DAB1: variants seen among roughly 807,000 people sequenced by gnomAD.
DAB1 encodes disabled homolog 1.
Under a neutral mutation model 64.6 loss-of-function variants are expected in DAB1, and 15 were observed. That is an observed-to-expected ratio of 0.23 (90% CI 0.16 to 0.36). DAB1 has a LOEUF of 0.36. Among genes scored for constraint, DAB1 ranks in the 10% least tolerant of loss-of-function variants. The probability of loss-of-function intolerance (pLI) is 1.00; values close to 1 mark genes in which losing one functional copy is unlikely to be tolerated. For missense variants in DAB1, 596 were observed against 706.7 expected (o/e 0.84, Z 1.78); for synonymous variants, 235 against 251.9 (o/e 0.93, Z 0.64).
At chr1:57,940,465 G>A (rs1645087196) in intron 5 of DAB1, among the ~76,000 whole-genome samples, 1 of 152,176 alleles carries the variant, frequency 6.6e-6, no homozygotes, top group Non-Finnish European at 1.5e-5. Context: ...TAAGTGCTTT[G>A]TCCACAGTTA....
intron 6 of DAB1, among the ~76,000 whole-genome samples, chr1:57,816,344 C>T (rs1454949363): frequency 6.6e-6 from 1 of 152,206 alleles, no homozygotes; most frequent in Non-Finnish European, 1.5e-5. Context: ...TCAACACCTT[C>T]CTCTAGTTGT....
intron 6 of DAB1, among the ~76,000 whole-genome samples, chr1:57,813,560 C>T (rs1008728032): frequency 1.3e-5 from 2 of 152,132 alleles, no homozygotes; most frequent in African/African-American, 4.8e-5. Context: ...TTGCGCTAAC[C>T]CATGGGAACA....
intron 1 of DAB1, among the ~76,000 whole-genome samples, chr1:57,353,572 C>T (rs746051263): frequency 6.6e-6 from 1 of 152,180 alleles, no homozygotes; most frequent in African/African-American, 2.4e-5. Context: ...TGCAAGGTCA[C>T]ATGCTGGACC....
chr1:57,779,452 A>G (rs1312064887), intron 6 of DAB1, among the ~76,000 whole-genome samples: 1 of 152,174 alleles, frequency 6.6e-6, no homozygotes, highest in Non-Finnish European at 1.5e-5. Flanking sequence ...TGCCATGGAA[A>G]GAATCATTAC....
intron 7 of DAB1, among the ~76,000 whole-genome samples, chr1:57,501,673 G>A (rs1036247134): frequency 6.6e-6 from 1 of 152,158 alleles, no homozygotes; most frequent in South Asian, 2.1e-4. Flanking sequence ...ATAAGGCTTC[G>A]TAAAAGCAGT....
intron 2 of DAB1, among the ~76,000 whole-genome samples, chr1:57,210,342 CT>C (rs1262405824): frequency 1.3e-5 from 2 of 152,134 alleles, no homozygotes; most frequent in African/African-American, 4.8e-5. Context: ...TAAAAATTTT[CT>C]GTCATATAAT....
rs139505933 is a variant in DAB1 at position 57,273,164 on chromosome 1, T to C, written c.67+17800A>G. Among the ~76,000 whole-genome samples, 489 of 152,310 alleles carry C rather than the reference T, an allele frequency of 3.2e-3. 2 individuals carry two copies. The highest frequency in any genetic ancestry group is 0.011 in the African/African-American group (475 of 41,570). On this transcript the variant is annotated intron_variant, in intron 2 of 14. Coordinates refer to ENST00000371236, the MANE Select transcript of DAB1 (RefSeq NM_001365792.1). ...TCAGTTTCCACCAGATGGTAGTGAA[T>C]TGAAGTGAGAGGGGATGTCTTATGG...
intron 2 of DAB1, among the ~76,000 whole-genome samples, chr1:57,245,308 T>A (rs1356332474): frequency 7.9e-5 from 12 of 152,144 alleles, no homozygotes; most frequent in Non-Finnish European, 2.9e-5. Flanking sequence ...ATACTTTAAG[T>A]TCTAGGGTAC....
At chr1:57,218,515 TAAAAAAAAAAA>T (rs776398255) in intron 2 of DAB1, among the ~76,000 whole-genome samples, 4,499 of 71,474 alleles carry the variant, frequency 0.063, 190 homozygotes, top group African/African-American at 0.2. Context: ...CCCCCATCTC[TAAAAAAAAAAA>T]AAAAAAAAAA....
At chr1:57,048,667 T>C (rs1172378045) in intron 9 of DAB1, among the ~76,000 whole-genome samples, 1 of 152,092 alleles carries the variant, frequency 6.6e-6, no homozygotes, top group Non-Finnish European at 1.5e-5. Flanking sequence ...AGTTAGTAGG[T>C]GGGGGGGCTT....
chr1:57,094,345 G>A (rs974432496), intron 4 of DAB1, among the ~76,000 whole-genome samples: 1 of 152,124 alleles, frequency 6.6e-6, no homozygotes, highest in East Asian at 1.9e-4. Flanking sequence ...ACCTCAGCTT[G>A]CAAAATCCGG....
At chr1:57,298,715 A>T (rs896880898) in intron 1 of DAB1, among the ~76,000 whole-genome samples, 2 of 152,246 alleles carry the variant, frequency 1.3e-5, no homozygotes, top group Non-Finnish European at 2.9e-5. Flanking sequence ...TAAACTAAAT[A>T]AACAAGAAAG....
chr1:57,614,953 C>T (rs1263237342), intron 7 of DAB1, among the ~76,000 whole-genome samples: 6 of 146,770 alleles, frequency 4.1e-5, no homozygotes, highest in South Asian at 2.2e-4. Flanking sequence ...TCACTGCAAA[C>T]TCCCTCTCCC....
chr1:57,790,909 A>G (rs1650567001), intron 6 of DAB1, among the ~76,000 whole-genome samples: 1 of 152,142 alleles, frequency 6.6e-6, no homozygotes. Flanking sequence ...GTGTACTCAT[A>G]TGTGTGTGTG....
chr1:58,338,551 GC>G (rs1663175887), intron 4 of DAB1, among the ~76,000 whole-genome samples: 1 of 152,262 alleles, frequency 6.6e-6, no homozygotes, highest in African/African-American at 2.4e-5. Flanking sequence ...TTTATATTCA[GC>G]CAGTCATCAA....
At chr1:57,679,579 T>G (rs1397007854) in intron 6 of DAB1, among the ~76,000 whole-genome samples, 1 of 152,252 alleles carries the variant, frequency 6.6e-6, no homozygotes, top group Non-Finnish European at 1.5e-5. Context: ...GTTTATGTTC[T>G]GAATATTTAA....
At chr1:58,483,615 A>G (rs1212105151) in intron 3 of DAB1, among the ~76,000 whole-genome samples, 1 of 152,180 alleles carries the variant, frequency 6.6e-6, no homozygotes, top group Non-Finnish European at 1.5e-5. Flanking sequence ...GTTTAAGTAA[A>G]CTGAATTGAC....
intron 6 of DAB1, among the ~76,000 whole-genome samples, chr1:57,809,471 T>A (rs568504417): frequency 6.6e-6 from 1 of 152,326 alleles, no homozygotes. Context: ...GCTATTTAAG[T>A]GGCTGGGATT....
chr1:57,119,952 A>G (rs1052227717), intron 4 of DAB1, among the ~76,000 whole-genome samples: 3 of 152,222 alleles, frequency 2.0e-5, no homozygotes, highest in African/African-American at 7.2e-5. Flanking sequence ...AAAATCCTTT[A>G]TCAGCCTCTT....
Sources: gnomAD v4.1 joint callset for allele counts (sites outside exome capture counted in the v4.1 genomes callset) on GRCh38, gnomAD v4.1.1 for gene constraint, MANE v1.5 for transcripts, NCBI Gene and HGNC (gene_info 2026-07-23, HGNC 2026-07-21) for gene names.